FBXO47: variants seen among roughly 807,000 people sequenced by gnomAD.
The protein encoded by FBXO47 is F-box only protein 47.
FBXO47 carries 34 observed loss-of-function variants against 53.9 expected under a neutral mutation model. The observed-to-expected ratio is 0.63, with a 90% confidence interval of 0.48 to 0.84. The LOEUF is 0.84. Among genes scored for constraint, FBXO47 ranks in the 40% least tolerant of loss-of-function variants. FBXO47 has a pLI of 0.00. For synonymous variants in FBXO47, 165 were observed against 181.6 expected, an observed-to-expected ratio of 0.91 and a Z score of 0.73; for missense variants, 485 against 541.3, an observed-to-expected ratio of 0.90 and a Z score of 1.03.
rs869282186 is a variant in FBXO47, at chr17:38,948,207, A to ATTT, written c.617-3074_617-3072dup. On this transcript the variant is annotated intron_variant, in intron 6 of 10. Coordinates refer to ENST00000378079, the MANE Select transcript of FBXO47 (RefSeq NM_001008777.3). The stretch of plus-strand genomic sequence containing the variant: ...ATCTCCATGGATTTCCCTATTCTGG[A>ATTT]TTTTTTTTTTTTTTTTTTTTTTTTG... Among the ~76,000 whole-genome samples the ATTT allele has an allele frequency of 7.8e-4, 70 of 89,288 alleles. 1 individual carries two copies. The highest frequency in any genetic ancestry group is 1.1e-3 in the Non-Finnish European group (53 of 46,930). The allele number at this position is 89,288 out of a possible 152,430, so 58.6% of individuals were successfully genotyped here.
Position 38,957,273 on chromosome 17 carries a change from T to C in FBXO47, c.353-20A>G. On this transcript the variant is annotated intron_variant, in intron 3 of 10. Coordinates refer to ENST00000378079, the MANE Select transcript of FBXO47 (RefSeq NM_001008777.3). The stretch of plus-strand genomic sequence containing the variant: ...GTAGACCTAAGAAAGTAAAGAGACA[T>C]AAGAAAAAATGACAACAATACAATT... 1 of 1,541,268 alleles carries C rather than the reference T, an allele frequency of 6.5e-7. No individual in the cohort carries two copies. The highest frequency in any genetic ancestry group is 9.0e-7 in the Non-Finnish European group (1 of 1,116,288).
At position 38,947,063 on chromosome 17, in the gene FBXO47, T is replaced by TATATAAAA. The variant is rs1162851033; in HGVS notation, c.617-1928_617-1927insTTTTATAT. On this transcript the variant is annotated intron_variant, in intron 6 of 10. Transcript: ENST00000378079. ...GTAAATATATAAAAACATATATAAA[T>TATATAAAA]ATATATAAACATATATAAACATATA... Among the ~76,000 whole-genome samples the TATATAAAA allele has an allele frequency of 1.6e-3, 213 of 133,566 alleles. 2 individuals carry two copies. Among genetic ancestry groups the TATATAAAA allele is most frequent in the African/African-American group, 6.0e-3 (209 of 34,948 alleles). 87.6% of individuals were successfully genotyped at this position (133,566 alleles called of 152,430 possible). A position where few individuals can be genotyped will look rare whatever the true frequency, so the allele number is the denominator to read the frequency against.
rs1353783610 is a variant in FBXO47, at chr17:38,963,931, G to T, written c.-26-880C>A. On this transcript the variant is annotated intron_variant, in intron 1 of 10. Transcript: ENST00000378079. ...CCTGCCTCAGCCTCCTGAGTAGCTG[G>T]GACTACAGGCACAGAGCCACCATGC... Among the ~76,000 whole-genome samples, 14 of 150,794 alleles carry T rather than the reference G, an allele frequency of 9.3e-5. 1 individual carries two copies.
chr17:38,946,515 TATATATGAATATATATA>T (rs1598140610), intron 6 of FBXO47, among the ~76,000 whole-genome samples: 1 of 89,302 alleles, frequency 1.1e-5, no homozygotes, highest in East Asian at 3.8e-4. Context: ...ACTATATAAA[TATATATGAATATATATA>T]ACTATATAAA....
At chr17:38,959,447 G>T (rs1374812327) in intron 3 of FBXO47, among the ~76,000 whole-genome samples, 1 of 151,788 alleles carries the variant, frequency 6.6e-6, no homozygotes, top group Non-Finnish European at 1.5e-5. Flanking sequence ...AGACATGGTG[G>T]TGCATGCCTG....
At chr17:38,953,167 A>ACACACAC (rs1567719879) in intron 5 of FBXO47, among the ~76,000 whole-genome samples, 6 of 139,734 alleles carry the variant, frequency 4.3e-5, no homozygotes, top group African/African-American at 9.0e-5. Context: ...ACACACACAC[A>ACACACAC]AAATAGCTAG....
In FBXO47 at chr17:38,951,568, T is replaced by C; in HGVS notation, c.616+13A>G. 1 of 1,560,292 alleles carries C rather than the reference T, an allele frequency of 6.4e-7. No homozygotes were observed. The highest frequency in any genetic ancestry group is 8.8e-7 in the Non-Finnish European group (1 of 1,136,270). On this transcript the variant is annotated intron_variant, in intron 6 of 10. Transcript: ENST00000378079. The stretch of plus-strand genomic sequence containing the variant: ...TAATCTCTGTATATTATATGCAAAT[T>C]ATAGTTTTTTACCTGGTTTGCTGCA...
chr17:38,963,967 TA>T (rs577730004), intron 1 of FBXO47, among the ~76,000 whole-genome samples: 4,131 of 144,376 alleles, frequency 0.029, 163 homozygotes, highest in African/African-American at 0.093. Flanking sequence ...CCAGCTAAAG[TA>T]AAAAAAAAAA....
chr17:38,962,142 G>T, intron 2 of FBXO47, 95 bp from the exon 3 acceptor site: 1 of 943,788 alleles, frequency 1.1e-6, no homozygotes, highest in Non-Finnish European at 1.5e-6. Flanking sequence ...TAACTCAATC[G>T]TCATCATTAT....
At position 38,945,809 on chromosome 17, in the gene FBXO47, G is replaced by A. The variant is rs554779453; in HGVS notation, c.617-673C>T. Among the ~76,000 whole-genome samples, 12 of 150,684 alleles carry A rather than the reference G, an allele frequency of 8.0e-5. No individual in the cohort carries two copies. The East Asian group carries it at 1.7e-3, about 22-fold the overall frequency. ...AAATAAGCCGGGAGTGATGGCGGGCGCCTGTAGTCCCAGCTACTTGGGAGA... is the reference window on the plus strand; with the variant it reads ...AAATAAGCCGGGAGTGATGGCGGGCACCTGTAGTCCCAGCTACTTGGGAGA... On this transcript the variant is annotated intron_variant, in intron 6 of 10. Coordinates refer to ENST00000378079, the MANE Select transcript of FBXO47 (RefSeq NM_001008777.3).
At position 38,960,630 on chromosome 17, in the gene FBXO47, CT is replaced by C. The variant is rs947161295; in HGVS notation, c.352+1246del. On this transcript the variant is annotated intron_variant, in intron 3 of 10. Coordinates refer to ENST00000378079, the MANE Select transcript of FBXO47 (RefSeq NM_001008777.3). Reference sequence around the variant, plus strand: ...CGATGAATTAAAAATAATTCTTTCTCTTTTTTTTTTTTTTTTTTTGAGATGG... The same window carrying C: ...CGATGAATTAAAAATAATTCTTTCTCTTTTTTTTTTTTTTTTTTGAGATGG... 5.0e-3 allele frequency among the ~76,000 whole-genome samples: 660 copies of C among 132,516 alleles called. 1 individual carries two copies. Among genetic ancestry groups the C allele is most frequent in the African/African-American group, 0.012 (415 of 35,498 alleles). The allele number at this position is 132,516 out of a possible 152,430, so 86.9% of individuals were successfully genotyped here.
chr17:38,953,173 G>T (rs1014869842), intron 5 of FBXO47, among the ~76,000 whole-genome samples: 2 of 128,442 alleles, frequency 1.6e-5, no homozygotes, highest in African/African-American at 6.2e-5. Context: ...ACACAAAATA[G>T]CTAGGTGTGG....
At chr17:38,960,733 G>A (rs1029283224) in intron 3 of FBXO47, among the ~76,000 whole-genome samples, 1 of 149,990 alleles carries the variant, frequency 6.7e-6, no homozygotes, top group Non-Finnish European at 1.5e-5. Context: ...CTGGGTTCAA[G>A]CAATTCTCCT....
chr17:38,959,958 G>A (rs976237962), intron 3 of FBXO47, among the ~76,000 whole-genome samples: 1 of 151,568 alleles, frequency 6.6e-6, no homozygotes, highest in African/African-American at 2.4e-5. Context: ...CAGCTGGGCC[G>A]CCATGCCCAG....
At chr17:38,943,299 G>C (rs1904594757) in intron 8 of FBXO47, among the ~76,000 whole-genome samples, 1 of 152,126 alleles carries the variant, frequency 6.6e-6, no homozygotes, top group South Asian at 2.1e-4. Flanking sequence ...CAGAACCTAG[G>C]AGGGTGTTTC....
At chr17:38,939,754 G>A (rs940774393) in intron 9 of FBXO47, among the ~76,000 whole-genome samples, 1 of 131,234 alleles carries the variant, frequency 7.6e-6, no homozygotes, top group African/African-American at 2.9e-5. Flanking sequence ...TGCAAGCTCC[G>A]CTTCCCGGGT....
At chr17:38,967,132 G>A (rs1355412553) in intron 1 of FBXO47, 97 bp downstream of exon 1, 1 of 152,110 alleles carries the variant, frequency 6.6e-6, no homozygotes, top group Non-Finnish European at 1.5e-5. Context: ...TGGTCAACAG[G>A]AGAATCAGAC....
chr17:38,940,653 CT>C (rs1329330758), intron 9 of FBXO47, among the ~76,000 whole-genome samples: 1 of 151,864 alleles, frequency 6.6e-6, no homozygotes, highest in African/African-American at 2.4e-5. Context: ...CTCTATCTGC[CT>C]GGTGAACTCC....
chr17:38,951,436 C>T (rs913819550), intron 6 of FBXO47, 145 bp downstream of exon 6: 1 of 553,182 alleles, frequency 1.8e-6, no homozygotes, highest in Admixed American at 3.3e-5. Flanking sequence ...TCAAGTGATC[C>T]TCCCACCTTG....
Sources: gnomAD v4.1 joint callset for allele counts (sites outside exome capture counted in the v4.1 genomes callset) on GRCh38, gnomAD v4.1.1 for gene constraint, MANE v1.5 for transcripts, NCBI Gene and HGNC (gene_info 2026-07-23, HGNC 2026-07-21) for gene names.